The following FHIT variants were observed in gnomAD, a reference collection of about 807,000 sequenced individuals.
FHIT encodes the protein fragile histidine triad diadenosine triphosphatase.
Under a neutral mutation model 17.9 loss-of-function variants are expected in FHIT, and 19 were observed. The observed-to-expected ratio is 1.06, with a 90% CI of 0.74 to 1.56. FHIT has a LOEUF of 1.56. Among genes scored for constraint, FHIT ranks in the 40% most tolerant of loss-of-function variants. FHIT has a pLI of 0.00. For synonymous variants in FHIT, 81 were observed against 69.7 expected (o/e 1.16, Z -0.81); for missense variants, 248 against 189.2 (o/e 1.31, Z -1.82).
intron 5 of FHIT, among the ~76,000 whole-genome samples, chr3:60,298,439 G>C (rs146201873): frequency 2.0e-5 from 3 of 152,194 alleles, no homozygotes; most frequent in Non-Finnish European, 4.4e-5. Flanking sequence ...TTGTGCACCC[G>C]GAACCAGGGG....
At chr3:59,996,516 C>A (rs1169789084) in intron 7 of FHIT, among the ~76,000 whole-genome samples, 7 of 152,028 alleles carry the variant, frequency 4.6e-5, no homozygotes, top group Admixed American at 4.6e-4. Context: ...TGGAAAAAGT[C>A]TGCAGCTTTC....
intron 4 of FHIT, among the ~76,000 whole-genome samples, chr3:60,686,524 C>T (rs1433156899): frequency 5.3e-5 from 8 of 150,172 alleles, no homozygotes; most frequent in African/African-American, 1.3e-4. Flanking sequence ...GAACCTGAGG[C>T]TCTGGTTGCT....
intron 4 of FHIT, among the ~76,000 whole-genome samples, chr3:60,560,227 C>A (rs374440484): frequency 2.6e-5 from 4 of 152,082 alleles, no homozygotes; most frequent in African/African-American, 7.2e-5. Flanking sequence ...AATTAGTATA[C>A]CATATAGAAG....
intron 5 of FHIT, among the ~76,000 whole-genome samples, chr3:60,515,882 G>C (rs1181111262): frequency 6.6e-6 from 1 of 152,184 alleles, no homozygotes; most frequent in Non-Finnish European, 1.5e-5. Context: ...ACTGAGCTTG[G>C]ATTCACATCC....
chr3:59,772,282 C>A (rs556959474), intron 8 of FHIT, among the ~76,000 whole-genome samples: 1 of 152,350 alleles, frequency 6.6e-6, no homozygotes, highest in South Asian at 2.1e-4. Flanking sequence ...GTTTCATCTC[C>A]TTGAATCTCA....
At chr3:60,153,077 C>G (rs959290444) in intron 5 of FHIT, among the ~76,000 whole-genome samples, 3 of 152,150 alleles carry the variant, frequency 2.0e-5, no homozygotes, top group Admixed American at 6.5e-5. Context: ...CCTCCTCAGC[C>G]AACACACGAC....
intron 5 of FHIT, among the ~76,000 whole-genome samples, chr3:60,178,901 G>GT (rs1701799706): frequency 6.6e-6 from 1 of 152,002 alleles, no homozygotes; most frequent in South Asian, 2.1e-4. Flanking sequence ...CTCCTAAAGC[G>GT]TTTTAGCTTG....
chr3:60,322,541 C>T (rs891178410), intron 5 of FHIT, among the ~76,000 whole-genome samples: 3 of 152,166 alleles, frequency 2.0e-5, no homozygotes, highest in Non-Finnish European at 4.4e-5. Flanking sequence ...TACAGGTTCA[C>T]CCAGTTGGTA....
intron 8 of FHIT, among the ~76,000 whole-genome samples, chr3:59,907,850 CT>C (rs1704658769): frequency 6.6e-6 from 1 of 152,170 alleles, no homozygotes; most frequent in Admixed American, 6.5e-5. Context: ...TTTGGAGGCT[CT>C]TTGCCTTTTC....
At chr3:59,978,973 A>C (rs10490808) in intron 7 of FHIT, among the ~76,000 whole-genome samples, 51,764 of 151,818 alleles carry the variant, frequency 0.34, 10,198 homozygotes, top group East Asian at 0.53. Context: ...TGAACCTAAC[A>C]GACAACTAAC....
chr3:59,972,217 T>C (rs1424334232), intron 7 of FHIT, among the ~76,000 whole-genome samples: 2 of 152,114 alleles, frequency 1.3e-5, no homozygotes, highest in Non-Finnish European at 2.9e-5. Flanking sequence ...GTAAATACTC[T>C]AGAGTTTCAG....
intron 8 of FHIT, among the ~76,000 whole-genome samples, chr3:59,869,951 C>T (rs886148591): frequency 8.6e-5 from 13 of 151,984 alleles, no homozygotes; most frequent in African/African-American, 3.1e-4. Context: ...TCATAGCTTC[C>T]AATTTTTAGC....
intron 5 of FHIT, among the ~76,000 whole-genome samples, chr3:60,361,506 G>A (rs1699905717): frequency 6.6e-6 from 1 of 152,160 alleles, no homozygotes; most frequent in South Asian, 2.1e-4. Flanking sequence ...TAGGATGCAA[G>A]ACTCCCCTCC....
Position 59,934,863 on chromosome 3 carries a change from C to A in FHIT, c.280-12449G>T, listed in dbSNP as rs559913382. Among the ~76,000 whole-genome samples, 444 of 152,216 alleles carry A rather than the reference C, an allele frequency of 2.9e-3. 1 individual carries two copies. The highest frequency in any genetic ancestry group is 5.4e-3 in the Non-Finnish European group (366 of 68,006). ...ATGATTCAATTTTCTCCACCTGGTC[C>A]CACCCATGACACATGGGGATTATGG... On this transcript the variant is annotated intron_variant, in intron 7 of 9. Coordinates refer to ENST00000492590, the MANE Select transcript of FHIT (RefSeq NM_002012.4).
intron 5 of FHIT, among the ~76,000 whole-genome samples, chr3:60,399,429 C>A (rs1701577267): frequency 6.6e-6 from 1 of 152,112 alleles, no homozygotes; most frequent in African/African-American, 2.4e-5. Context: ...TGCTGTCTCC[C>A]ATAATGACTG....
intron 4 of FHIT, among the ~76,000 whole-genome samples, chr3:60,580,700 C>A (rs2037722169): frequency 1.3e-5 from 2 of 152,022 alleles, no homozygotes; most frequent in African/African-American, 4.8e-5. Flanking sequence ...AATGCACTGC[C>A]TTTGTCACTC....
At chr3:59,891,307 C>T (rs1193842642) in intron 8 of FHIT, among the ~76,000 whole-genome samples, 4 of 152,122 alleles carry the variant, frequency 2.6e-5, no homozygotes, top group African/African-American at 9.7e-5. Flanking sequence ...AACCACAAAC[C>T]AGGAAAAGCA....
chr3:60,009,165 A>ATGTGTGTGTGTGTGTG (rs753809976), intron 7 of FHIT, among the ~76,000 whole-genome samples: 3 of 54,100 alleles, frequency 5.5e-5, no homozygotes, highest in African/African-American at 1.6e-4. Flanking sequence ...CTGGGATTTT[A>ATGTGTGTGTGTGTGTG]TGTGTGTGTG....
chr3:60,673,669 T>A (rs1255677654), intron 4 of FHIT, among the ~76,000 whole-genome samples: 2 of 152,018 alleles, frequency 1.3e-5, no homozygotes, highest in Non-Finnish European at 2.9e-5. Flanking sequence ...TGCACACGTT[T>A]CCCAGAATTT....
Sources: gnomAD v4.1 joint callset for allele counts (sites outside exome capture counted in the v4.1 genomes callset) on GRCh38, gnomAD v4.1.1 for gene constraint, MANE v1.5 for transcripts, NCBI Gene and HGNC (gene_info 2026-07-23, HGNC 2026-07-21) for gene names.